Variants in EVA1C observed in about 807,000 individuals in gnomAD.
EVA1C encodes protein eva-1 homolog C.
A neutral mutation model predicts 45.4 loss-of-function variants in EVA1C; 25 were observed. The ratio of observed to expected loss-of-function variants is 0.55; its 90% CI spans 0.40 to 0.77. The LOEUF (loss-of-function observed/expected upper bound fraction) is 0.77. EVA1C is among the 30% of genes least tolerant of loss of function. The probability of loss-of-function intolerance (pLI) is 0.00; values close to 1 mark genes in which losing one functional copy is unlikely to be tolerated. For missense variants in EVA1C, 479 were observed against 554.8 expected (o/e 0.86, Z 1.37); for synonymous variants, 190 against 221.2 (o/e 0.86, Z 1.25).
At chr21:32,487,210 G>T (rs1202722455) in intron 4 of EVA1C, among the ~76,000 whole-genome samples, 1 of 152,104 alleles carries the variant, frequency 6.6e-6, no homozygotes, top group African/African-American at 2.4e-5. Flanking sequence ...ATGGGGGGCT[G>T]GTTGTCAAGG....
At chr21:32,413,063 G>A in intron 1 of EVA1C, 50 bp downstream of exon 1, 2 of 1,317,240 alleles carry the variant, frequency 1.5e-6, no homozygotes, top group Non-Finnish European at 2.0e-6. Flanking sequence ...GGAGCGCCCA[G>A]GTGAACCCTC....
chr21:32,458,757 A>C (rs1335593870), intron 3 of EVA1C, among the ~76,000 whole-genome samples: 1 of 152,178 alleles, frequency 6.6e-6, no homozygotes, highest in Non-Finnish European at 1.5e-5. Flanking sequence ...CTGGGATTAC[A>C]GGCATGAGCC....
chr21:32,476,691 G>A (rs2036580170), intron 4 of EVA1C, among the ~76,000 whole-genome samples: 1 of 151,948 alleles, frequency 6.6e-6, no homozygotes, highest in Admixed American at 6.6e-5. Context: ...TGGAGAAGTA[G>A]GGGCATGTGT....
intron 7 of EVA1C, among the ~76,000 whole-genome samples, chr21:32,512,176 G>A (rs1462337242): frequency 6.6e-6 from 1 of 152,102 alleles, no homozygotes; most frequent in Non-Finnish European, 1.5e-5. Context: ...GGAAGCACAG[G>A]TTAGACACAG....
At chr21:32,433,874 A>G (rs1210096547) in intron 1 of EVA1C, among the ~76,000 whole-genome samples, 2 of 152,236 alleles carry the variant, frequency 1.3e-5, no homozygotes, top group African/African-American at 4.8e-5. Context: ...GAAAGGGGAA[A>G]TTGGCCAGGT....
intron 1 of EVA1C, among the ~76,000 whole-genome samples, chr21:32,449,438 C>T (rs59222379): frequency 1.3e-5 from 2 of 152,318 alleles, no homozygotes; most frequent in African/African-American, 4.8e-5. Context: ...GTGGTTTATC[C>T]AGAATGTCAT....
At chr21:32,513,357 CT>C (rs906258718) in intron 7 of EVA1C, among the ~76,000 whole-genome samples, 4 of 147,978 alleles carry the variant, frequency 2.7e-5, no homozygotes, top group African/African-American at 9.8e-5. Context: ...TTTTTTTGTA[CT>C]TTTGGTACAG....
At chr21:32,437,464 A>G (rs1401902391) in intron 1 of EVA1C, among the ~76,000 whole-genome samples, 1 of 152,080 alleles carries the variant, frequency 6.6e-6, no homozygotes, top group Non-Finnish European at 1.5e-5. Context: ...CTGCACTGCA[A>G]TCCAACCAGC....
At chr21:32,430,025 C>G (rs964653060) in intron 1 of EVA1C, among the ~76,000 whole-genome samples, 1 of 152,106 alleles carries the variant, frequency 6.6e-6, no homozygotes, top group Admixed American at 6.5e-5. Context: ...CCTGAGGCCA[C>G]GACTCTGGGC....
rs61177845 is a variant in EVA1C at position 32,475,340 on chromosome 21, TATC to T, written c.634+7519_634+7521del. On this transcript the variant is annotated intron_variant, in intron 4 of 7. Coordinates refer to ENST00000300255, the MANE Select transcript of EVA1C (RefSeq NM_058187.5). ...AAGAGCATTTCCAGTTCTTCTAAAA[TATC>T]ATCATCATCATCATCATCATCATCA... Among the ~76,000 whole-genome samples the T allele has an allele frequency of 4.5e-3, 679 of 150,914 alleles. 10 individuals are homozygous for T. Among genetic ancestry groups the T allele is most frequent in the Admixed American group, 0.022 (339 of 15,146 alleles).
intron 4 of EVA1C, 68 bp from the exon 5 acceptor site, chr21:32,494,959 T>C (rs1373435251): frequency 6.9e-7 from 1 of 1,452,704 alleles, no homozygotes; most frequent in Non-Finnish European, 9.5e-7. Context: ...TTACAGAGAA[T>C]GCTGTAGGCT....
rs117320458 is a variant in EVA1C, at chr21:32,491,405, T to G, written c.635-3622T>G. ...AGTGATGAGATTAGAAGGGGCACAG[T>G]GGGCCGGGCACGGTGGCTCACGCCT... On this transcript the variant is annotated intron_variant, in intron 4 of 7. Coordinates refer to ENST00000300255, the MANE Select transcript of EVA1C (RefSeq NM_058187.5). Among the ~76,000 whole-genome samples the G allele has an allele frequency of 5.6e-3, 855 of 151,562 alleles. 5 individuals are homozygous for G. Among genetic ancestry groups the G allele is most frequent in the Middle Eastern group, 0.01 (3 of 290 alleles).
At chr21:32,507,551 T>TACGC (rs755405051) in intron 7 of EVA1C, among the ~76,000 whole-genome samples, 28 of 105,262 alleles carry the variant, frequency 2.7e-4, no homozygotes, top group Middle Eastern at 4.2e-3. Flanking sequence ...CGTCTGTATG[T>TACGC]ATGCGTGTTT....
intron 5 of EVA1C, among the ~76,000 whole-genome samples, chr21:32,500,174 C>G (rs1381868121): frequency 1.4e-5 from 2 of 143,814 alleles, no homozygotes; most frequent in Non-Finnish European, 3.0e-5. Context: ...AGCTCATCTT[C>G]AGAGTTAACC....
At chr21:32,508,352 G>A (rs547137213) in intron 7 of EVA1C, among the ~76,000 whole-genome samples, 31 of 152,324 alleles carry the variant, frequency 2.0e-4, no homozygotes, top group African/African-American at 5.8e-4. Flanking sequence ...GGCTTCTGGG[G>A]CGCAGGGGTA....
intron 1 of EVA1C, among the ~76,000 whole-genome samples, chr21:32,426,124 A>C (rs1026832193): frequency 6.6e-6 from 1 of 152,108 alleles, no homozygotes; most frequent in African/African-American, 2.4e-5. Context: ...CACCCTCTCT[A>C]GCCCAGTGGG....
chr21:32,442,463 C>CCTG (rs778308826), intron 1 of EVA1C, among the ~76,000 whole-genome samples: 1 of 152,116 alleles, frequency 6.6e-6, no homozygotes, highest in Non-Finnish European at 1.5e-5. Context: ...CCTCAGGACC[C>CCTG]CTGACTCATG....
Position 32,495,185 on chromosome 21 carries a change from C to A in EVA1C, c.778+15C>A. 6.2e-7 allele frequency: 1 copy of A among 1,612,142 alleles called. No homozygotes were observed. The highest frequency in any genetic ancestry group is 8.5e-7 in the Non-Finnish European group (1 of 1,178,834). On this transcript the variant is annotated intron_variant, in intron 5 of 7. Transcript: ENST00000300255. The stretch of plus-strand genomic sequence containing the variant: ...CTACGCATGTGGTAAGAACACACCC[C>A]CGACCAGCTGCCTGATGACACTGCC...
intron 1 of EVA1C, among the ~76,000 whole-genome samples, chr21:32,418,298 A>G (rs2034132583): frequency 6.6e-6 from 1 of 152,226 alleles, no homozygotes; most frequent in Non-Finnish European, 1.5e-5. Flanking sequence ...TAGAGGCCAC[A>G]GAAGAAGAGA....
Sources: gnomAD v4.1 joint callset for allele counts (sites outside exome capture counted in the v4.1 genomes callset) on GRCh38, gnomAD v4.1.1 for gene constraint, MANE v1.5 for transcripts, NCBI Gene and HGNC (gene_info 2026-07-23, HGNC 2026-07-21) for gene names.